RALYL: variants seen among roughly 807,000 people sequenced by gnomAD.
The protein encoded by RALYL is RALY RNA binding protein like.
RALYL carries 29 observed loss-of-function variants against 35.1 expected under a neutral mutation model. The ratio of observed to expected loss-of-function variants is 0.83; its 90% CI spans 0.61 to 1.13. The LOEUF (loss-of-function observed/expected upper bound fraction) is 1.13. Among genes scored for constraint, RALYL ranks in the 50% most tolerant of loss-of-function variants. The pLI is 0.00. For missense variants in RALYL, 359 were observed against 360.4 expected, an observed-to-expected ratio of 1.00 and a Z score of 0.03; for synonymous variants, 120 against 127.6, an observed-to-expected ratio of 0.94 and a Z score of 0.40.
rs180936565 is a variant in RALYL at position 84,857,313 on chromosome 8, C to T, written c.414-4983C>T. The stretch of plus-strand genomic sequence containing the variant: ...CCTCTGGGTAGCCCAGAAATTTTAG[C>T]CCCCTAGGGAAGACCAAATATTTTT... On this transcript the variant is annotated intron_variant, in intron 5 of 8. Coordinates refer to ENST00000521268, the MANE Select transcript of RALYL (RefSeq NM_173848.7). Among the ~76,000 whole-genome samples the T allele has an allele frequency of 2.0e-5, 3 of 152,172 alleles. No individual in the cohort carries two copies. The East Asian group carries it at 5.8e-4, about 29-fold the overall frequency.
intron 2 of RALYL, among the ~76,000 whole-genome samples, chr8:84,571,903 C>T (rs1808091016): frequency 6.6e-6 from 1 of 151,768 alleles, no homozygotes; most frequent in South Asian, 2.1e-4. Flanking sequence ...GTTTAGTTTT[C>T]ATGCATTTTT....
At chr8:84,867,916 C>T (rs1277287477) in intron 6 of RALYL, among the ~76,000 whole-genome samples, 1 of 151,966 alleles carries the variant, frequency 6.6e-6, no homozygotes, top group African/African-American at 2.4e-5. Flanking sequence ...TATATCTGGT[C>T]GGGGGCAGGG....
intron 1 of RALYL, among the ~76,000 whole-genome samples, chr8:84,414,232 T>C (rs2044388110): frequency 6.6e-6 from 1 of 152,186 alleles, no homozygotes; most frequent in Non-Finnish European, 1.5e-5. Context: ...CTATCAATAA[T>C]TATTTTTTGT....
chr8:84,437,578 G>T (rs926861539), intron 1 of RALYL, among the ~76,000 whole-genome samples: 1 of 152,018 alleles, frequency 6.6e-6, no homozygotes, highest in Non-Finnish European at 1.5e-5. Context: ...ATCTCATTGT[G>T]GTTTTGATGT....
chr8:84,577,202 A>G (rs1346171785), intron 2 of RALYL, among the ~76,000 whole-genome samples: 4 of 152,240 alleles, frequency 2.6e-5, no homozygotes, highest in Non-Finnish European at 2.9e-5. Context: ...GAAACAGTCA[A>G]TCTCACAGTT....
intron 1 of RALYL, among the ~76,000 whole-genome samples, chr8:84,229,776 A>G (rs1297181938): frequency 1.3e-5 from 2 of 152,208 alleles, no homozygotes; most frequent in African/African-American, 2.4e-5. Flanking sequence ...CTCATTTTAC[A>G]TATGAAAATA....
chr8:84,254,716 T>G (rs1366048164), intron 1 of RALYL, among the ~76,000 whole-genome samples: 1 of 111,356 alleles, frequency 9.0e-6, no homozygotes, highest in Admixed American at 1.0e-4. Context: ...CACACTGCTA[T>G]AAAGAACTAC....
At chr8:84,833,117 C>A (rs1040024001) in intron 4 of RALYL, among the ~76,000 whole-genome samples, 17 of 152,106 alleles carry the variant, frequency 1.1e-4, no homozygotes, top group Non-Finnish European at 1.0e-4. Flanking sequence ...TTCTCTAGCC[C>A]AAACAACCTT....
intron 1 of RALYL, among the ~76,000 whole-genome samples, chr8:84,411,717 T>TA (rs2044122398): frequency 6.6e-6 from 1 of 152,008 alleles, no homozygotes; most frequent in Admixed American, 6.6e-5. Flanking sequence ...CCATTGATTA[T>TA]TTGTTTAAAT....
intron 2 of RALYL, among the ~76,000 whole-genome samples, chr8:84,747,403 A>C (rs1203627307): frequency 6.6e-6 from 1 of 151,912 alleles, no homozygotes; most frequent in East Asian, 1.9e-4. Context: ...GAGCAATACA[A>C]TGTCTCCTTT....
chr8:84,325,007 A>G (rs1434601133), intron 1 of RALYL, among the ~76,000 whole-genome samples: 14 of 152,138 alleles, frequency 9.2e-5, no homozygotes, highest in Non-Finnish European at 1.9e-4. Context: ...TATATACTTC[A>G]TCCATGTCCA....
At chr8:84,533,012 C>T (rs1291650477) in intron 2 of RALYL, among the ~76,000 whole-genome samples, 2 of 152,060 alleles carry the variant, frequency 1.3e-5, no homozygotes, top group African/African-American at 4.8e-5. Flanking sequence ...TGCATTTTGA[C>T]TCATATTACT....
rs113908616 is a variant in RALYL, at chr8:84,513,921, C to A, written c.-23-15378C>A. Among the ~76,000 whole-genome samples, 332 of 151,416 alleles carry A rather than the reference C, an allele frequency of 2.2e-3. 2 individuals are homozygous for A. The highest frequency in any genetic ancestry group is 7.2e-3 in the African/African-American group (296 of 41,330). On this transcript the variant is annotated intron_variant, in intron 1 of 8. Transcript: ENST00000521268. ...GACTAGCCTGGCCAACATGGTGAAA[C>A]CTTGTCTCTAATAAAAATTAAAAAT...
chr8:84,514,169 G>C lies in RALYL; in HGVS notation c.-23-15130G>C, dbSNP rs114479499. On this transcript the variant is annotated intron_variant, in intron 1 of 8. Coordinates refer to ENST00000521268, the MANE Select transcript of RALYL (RefSeq NM_173848.7). ...AGGAATACCTAAATACCTATGTTGT[G>C]ACACCTAGATCTTCTGACTCACTTT... 6.6e-3 allele frequency among the ~76,000 whole-genome samples: 979 copies of C among 148,974 alleles called. 7 individuals are homozygous for C. The highest frequency in any genetic ancestry group is 0.023 in the African/African-American group (944 of 40,642).
chr8:84,185,774 A>G (rs1179632042), intron 1 of RALYL, among the ~76,000 whole-genome samples: 1 of 152,312 alleles, frequency 6.6e-6, no homozygotes, highest in Non-Finnish European at 1.5e-5. Context: ...CTTCTAGGTA[A>G]CTACAGAAAT....
intron 6 of RALYL, among the ~76,000 whole-genome samples, chr8:84,865,081 A>G (rs1838904070): frequency 6.6e-6 from 1 of 152,228 alleles, no homozygotes; most frequent in Non-Finnish European, 1.5e-5. Context: ...TATTCTTTTT[A>G]GGAGCATATT....
At chr8:84,442,385 T>C (rs2048421993) in intron 1 of RALYL, among the ~76,000 whole-genome samples, 1 of 152,174 alleles carries the variant, frequency 6.6e-6, no homozygotes, top group South Asian at 2.1e-4. Flanking sequence ...ATAGAGTCTA[T>C]TTTCTCTAGT....
intron 1 of RALYL, among the ~76,000 whole-genome samples, chr8:84,373,607 T>C (rs1179523692): frequency 6.6e-6 from 1 of 152,058 alleles, no homozygotes; most frequent in Non-Finnish European, 1.5e-5. Flanking sequence ...ACTATGCTGC[T>C]TCGGTTATTG....
chr8:84,216,364 T>A (rs534973270), intron 1 of RALYL, among the ~76,000 whole-genome samples: 1 of 151,770 alleles, frequency 6.6e-6, no homozygotes, highest in Admixed American at 6.6e-5. Context: ...CTCAGCAGAG[T>A]TAAGAGATGT....
Sources: gnomAD v4.1 joint callset for allele counts (sites outside exome capture counted in the v4.1 genomes callset) on GRCh38, gnomAD v4.1.1 for gene constraint, MANE v1.5 for transcripts, NCBI Gene and HGNC (gene_info 2026-07-23, HGNC 2026-07-21) for gene names.